Variants in GABRB1 observed in about 807,000 individuals in gnomAD.
GABRB1 encodes the protein gamma-aminobutyric acid type A receptor subunit beta1.
A neutral mutation model predicts 51.6 loss-of-function variants in GABRB1; 17 were observed. The ratio of observed to expected loss-of-function variants is 0.33; its 90% CI spans 0.23 to 0.49. The LOEUF (loss-of-function observed/expected upper bound fraction) is 0.49. Ranked by LOEUF, GABRB1 falls within the 20% of genes least tolerant of loss-of-function variation. GABRB1 has a pLI of 0.99. For synonymous variants in GABRB1, 247 were observed against 218.9 expected, an observed-to-expected ratio of 1.13 and a Z score of -1.14; for missense variants, 410 against 600.6, an observed-to-expected ratio of 0.68 and a Z score of 3.32.
intron 4 of GABRB1, among the ~76,000 whole-genome samples, chr4:47,175,599 C>A (rs1238216014): frequency 6.6e-6 from 1 of 152,042 alleles, no homozygotes; most frequent in South Asian, 2.1e-4. Flanking sequence ...GAAAATAAAA[C>A]TACTTGCACG....
intron 4 of GABRB1, among the ~76,000 whole-genome samples, chr4:47,284,085 G>A (rs536729668): frequency 2.2e-5 from 3 of 135,538 alleles, no homozygotes; most frequent in East Asian, 4.4e-4. Context: ...GCGACAGAGC[G>A]AGACTCAGTC....
chr4:47,252,201 T>C (rs2109865112), intron 4 of GABRB1, among the ~76,000 whole-genome samples: 1 of 151,820 alleles, frequency 6.6e-6, no homozygotes, highest in Non-Finnish European at 1.5e-5. Flanking sequence ...TTCTGCTGCT[T>C]CCTCTACCCC....
At chr4:47,362,548 G>A (rs982945081) in intron 5 of GABRB1, among the ~76,000 whole-genome samples, 4 of 152,026 alleles carry the variant, frequency 2.6e-5, no homozygotes, top group African/African-American at 4.8e-5. Flanking sequence ...TAAATTTTAC[G>A]TGGTTCTAGG....
At chr4:47,295,195 G>C (rs2109928553) in intron 4 of GABRB1, among the ~76,000 whole-genome samples, 1 of 152,334 alleles carries the variant, frequency 6.6e-6, no homozygotes, top group South Asian at 2.1e-4. Flanking sequence ...CTAAAAAGCA[G>C]AGTGCCTCTC....
chr4:47,317,917 A>G (rs937530793), intron 4 of GABRB1, among the ~76,000 whole-genome samples: 5 of 151,964 alleles, frequency 3.3e-5, no homozygotes, highest in South Asian at 2.1e-4. Flanking sequence ...GTCATTGTAC[A>G]TAATCCTTTT....
chr4:47,287,412 G>A (rs960693716), intron 4 of GABRB1, among the ~76,000 whole-genome samples: 10 of 152,056 alleles, frequency 6.6e-5, no homozygotes, highest in Admixed American at 5.9e-4. Flanking sequence ...TCCTATCAGG[G>A]TTTTTTTCAC....
intron 4 of GABRB1, among the ~76,000 whole-genome samples, chr4:47,190,869 A>T (rs1042212182): frequency 1.3e-5 from 2 of 152,146 alleles, no homozygotes; most frequent in African/African-American, 2.4e-5. Context: ...GAGCATGGAA[A>T]ACTTAGTCTA....
chr4:47,211,111 C>T (rs1040350132), intron 4 of GABRB1, among the ~76,000 whole-genome samples: 1 of 152,062 alleles, frequency 6.6e-6, no homozygotes, highest in Admixed American at 6.6e-5. Context: ...ACTTCTTTCC[C>T]ACGTTACCAG....
intron 4 of GABRB1, among the ~76,000 whole-genome samples, chr4:47,169,404 A>G (rs1370909443): frequency 6.6e-6 from 1 of 152,100 alleles, no homozygotes; most frequent in Non-Finnish European, 1.5e-5. Context: ...TTGTTGTCTC[A>G]TATTCTTATA....
intron 3 of GABRB1, among the ~76,000 whole-genome samples, chr4:47,117,783 G>A (rs570480559): frequency 1.3e-5 from 2 of 152,238 alleles, no homozygotes; most frequent in South Asian, 2.1e-4. Context: ...AATTTGTTTA[G>A]ACTGCATTAT....
intron 4 of GABRB1, among the ~76,000 whole-genome samples, chr4:47,237,767 C>T (rs1221211668): frequency 6.6e-6 from 1 of 151,820 alleles, no homozygotes; most frequent in Non-Finnish European, 1.5e-5. Flanking sequence ...GAAGGACTTG[C>T]TTATTAATTT....
chr4:47,121,400 T>C (rs1370315702), intron 3 of GABRB1, among the ~76,000 whole-genome samples: 1 of 152,188 alleles, frequency 6.6e-6, no homozygotes, highest in Admixed American at 6.6e-5. Context: ...AGTGTCTCTT[T>C]CAGCGATATG....
At chr4:47,362,756 G>A (rs928350044) in intron 5 of GABRB1, among the ~76,000 whole-genome samples, 10 of 152,030 alleles carry the variant, frequency 6.6e-5, no homozygotes, top group Admixed American at 5.9e-4. Flanking sequence ...AAGTCCTCAG[G>A]CGTCAACTGT....
At chr4:47,368,002 C>A (rs1727045198) in intron 5 of GABRB1, among the ~76,000 whole-genome samples, 1 of 152,190 alleles carries the variant, frequency 6.6e-6, no homozygotes, top group Admixed American at 6.5e-5. Flanking sequence ...CAGTAACGGA[C>A]TTTCCATAAC....
intron 3 of GABRB1, among the ~76,000 whole-genome samples, chr4:47,145,253 T>C (rs1053362360): frequency 6.6e-6 from 1 of 152,000 alleles, no homozygotes; most frequent in Non-Finnish European, 1.5e-5. Flanking sequence ...GGACTTCCTT[T>C]TTTGGACTTA....
intron 4 of GABRB1, among the ~76,000 whole-genome samples, chr4:47,208,054 T>C (rs1292604469): frequency 1.3e-5 from 2 of 152,048 alleles, no homozygotes. Flanking sequence ...AGCAGCATTA[T>C]TCAACAGCCA....
intron 5 of GABRB1, among the ~76,000 whole-genome samples, chr4:47,350,795 C>G (rs952858166): frequency 6.6e-6 from 1 of 152,082 alleles, no homozygotes; most frequent in Non-Finnish European, 1.5e-5. Context: ...TTATGGTCAT[C>G]TCATAACCTG....
chr4:47,093,760 C>T (rs1714253114), intron 3 of GABRB1, among the ~76,000 whole-genome samples: 1 of 152,146 alleles, frequency 6.6e-6, no homozygotes, highest in African/African-American at 2.4e-5. Flanking sequence ...AAGGCACCTG[C>T]AACGTCACAA....
intron 3 of GABRB1, among the ~76,000 whole-genome samples, chr4:47,131,438 G>A (rs942411173): frequency 2.0e-5 from 3 of 152,190 alleles, no homozygotes; most frequent in Non-Finnish European, 4.4e-5. Flanking sequence ...GATTACCGGT[G>A]TGAGCCACCG....
Sources: allele counts gnomAD v4.1 joint callset (sites outside exome capture counted in the v4.1 genomes callset), GRCh38; gene constraint gnomAD v4.1.1; transcripts MANE v1.5; gene names NCBI Gene and HGNC (gene_info 2026-07-23, HGNC 2026-07-21).